The following SORCS2 variants were observed in gnomAD, a reference collection of about 807,000 sequenced individuals.
SORCS2 encodes sortilin related VPS10 domain containing receptor 2.
In SORCS2, 100 loss-of-function variants were observed where a neutral mutation model predicts 141.6. The ratio of observed to expected loss-of-function variants is 0.71; its 90% CI spans 0.60 to 0.83. The LOEUF (loss-of-function observed/expected upper bound fraction) is 0.83. SORCS2 is among the 40% of genes least tolerant of loss of function. The pLI, the probability that SORCS2 is intolerant of heterozygous loss-of-function variation, is 0.00. For synonymous variants in SORCS2, 789 were observed against 676.9 expected, an observed-to-expected ratio of 1.17 and a Z score of -2.57; for missense variants, 1,646 against 1,560.2, an observed-to-expected ratio of 1.05 and a Z score of -0.93.
intron 1 of SORCS2, among the ~76,000 whole-genome samples, chr4:7,236,934 C>G (rs1264794188): frequency 6.6e-6 from 1 of 152,186 alleles, no homozygotes; most frequent in African/African-American, 2.4e-5. Flanking sequence ...CTGTTATTTT[C>G]CAGATGGAGA....
At chr4:7,523,212 C>G (rs1300776668) in intron 2 of SORCS2, among the ~76,000 whole-genome samples, 1 of 152,090 alleles carries the variant, frequency 6.6e-6, no homozygotes, top group Non-Finnish European at 1.5e-5. Flanking sequence ...GAAGGGCAGG[C>G]TCAGGAGCCA....
intron 3 of SORCS2, among the ~76,000 whole-genome samples, chr4:7,602,886 C>G (rs1274767809): frequency 6.6e-6 from 1 of 152,204 alleles, no homozygotes; most frequent in Non-Finnish European, 1.5e-5. Context: ...ACTGAGTGAG[C>G]GAGACTCCGT....
intron 2 of SORCS2, among the ~76,000 whole-genome samples, chr4:7,500,721 C>T (rs903521158): frequency 2.0e-5 from 3 of 152,130 alleles, no homozygotes; most frequent in Non-Finnish European, 2.9e-5. Flanking sequence ...CATCGCACGT[C>T]GTCCAAGAGG....
intron 2 of SORCS2, among the ~76,000 whole-genome samples, chr4:7,501,513 G>A (rs528117573): frequency 3.9e-4 from 26 of 67,494 alleles, no homozygotes; most frequent in East Asian, 0.011. Flanking sequence ...CAGGGCTGGC[G>A]CTGGTAACAG....
intron 8 of SORCS2, among the ~76,000 whole-genome samples, chr4:7,674,929 C>T (rs896096725): frequency 7.2e-5 from 11 of 152,208 alleles, no homozygotes; most frequent in Admixed American, 2.6e-4. Flanking sequence ...GCAGGTGGGG[C>T]CAGCCGGACC....
At chr4:7,492,455 A>G (rs1054389904) in intron 2 of SORCS2, among the ~76,000 whole-genome samples, 3 of 152,242 alleles carry the variant, frequency 2.0e-5, no homozygotes, top group African/African-American at 7.2e-5. Flanking sequence ...TGGATACACC[A>G]GGGTTCTTCA....
chr4:7,647,771 C>T (rs939367678), intron 4 of SORCS2, among the ~76,000 whole-genome samples: 3 of 152,248 alleles, frequency 2.0e-5, no homozygotes, highest in African/African-American at 7.2e-5. Flanking sequence ...GGGCAACATC[C>T]TGGCCAGTCT....
intron 3 of SORCS2, among the ~76,000 whole-genome samples, chr4:7,544,633 T>C (rs1713103036): frequency 6.6e-6 from 1 of 152,250 alleles, no homozygotes. Context: ...GGCTCCACCC[T>C]GAATTCTCTG....
intron 2 of SORCS2, among the ~76,000 whole-genome samples, chr4:7,508,035 G>A (rs1393556019): frequency 3.9e-5 from 6 of 152,020 alleles, no homozygotes; most frequent in African/African-American, 1.5e-4. Flanking sequence ...GACTCACGAC[G>A]GGTACAGGTG....
At chr4:7,348,613 G>A (rs928715087) in intron 1 of SORCS2, among the ~76,000 whole-genome samples, 7 of 152,166 alleles carry the variant, frequency 4.6e-5, no homozygotes, top group Admixed American at 6.5e-5. Context: ...GTGCAGTGGC[G>A]CAATCTCGGC....
intron 2 of SORCS2, among the ~76,000 whole-genome samples, chr4:7,427,851 G>A (rs1210010472): frequency 2.2e-3 from 287 of 130,772 alleles, no homozygotes; most frequent in Non-Finnish European, 3.6e-3. Flanking sequence ...CCGCCCCCCC[G>A]CCCCCCCGCA....
At chr4:7,281,173 T>C (rs1250177445) in intron 1 of SORCS2, among the ~76,000 whole-genome samples, 1 of 151,856 alleles carries the variant, frequency 6.6e-6, no homozygotes, top group African/African-American at 2.4e-5. Context: ...TGCACAAAAG[T>C]TTTTTCTTGT....
intron 3 of SORCS2, among the ~76,000 whole-genome samples, chr4:7,550,728 A>G (rs961821024): frequency 1.3e-5 from 2 of 152,206 alleles, no homozygotes; most frequent in Admixed American, 6.5e-5. Context: ...AGGACAATCC[A>G]CTGTAGGGGA....
intron 2 of SORCS2, chr4:7,433,788 A>C (rs2109235179): frequency 6.2e-7 from 1 of 1,613,574 alleles, no homozygotes. Context: ...TGCCACACAG[A>C]CGGATGAACT....
chr4:7,606,436 C>T (rs373195243), intron 3 of SORCS2, among the ~76,000 whole-genome samples: 3 of 152,254 alleles, frequency 2.0e-5, no homozygotes, highest in South Asian at 2.1e-4. Flanking sequence ...CCTGGCTTCT[C>T]GTTCCGACTC....
chr4:7,381,945 C>A, intron 1 of SORCS2: 1 of 986,274 alleles, frequency 1.0e-6, no homozygotes, highest in Non-Finnish European at 1.2e-6. Context: ...CTCCATTCCA[C>A]TAGCCTCTCT....
intron 3 of SORCS2, among the ~76,000 whole-genome samples, chr4:7,609,130 A>C (rs939323748): frequency 6.6e-6 from 1 of 151,654 alleles, no homozygotes; most frequent in Non-Finnish European, 1.5e-5. Context: ...GTCAGACTCT[A>C]CTCACTGGCT....
intron 2 of SORCS2, among the ~76,000 whole-genome samples, chr4:7,471,688 TTC>T (rs1729987631): frequency 6.6e-6 from 1 of 152,202 alleles, no homozygotes; most frequent in Non-Finnish European, 1.5e-5. Flanking sequence ...TGAAGGCCTG[TTC>T]CGGGAGTAGG....
At chr4:7,342,466 GA>G (rs1720421026) in intron 1 of SORCS2, among the ~76,000 whole-genome samples, 1 of 152,204 alleles carries the variant, frequency 6.6e-6, no homozygotes, top group Non-Finnish European at 1.5e-5. Context: ...ATCCGAGGGG[GA>G]AGCATGCCCT....
Sources: gnomAD v4.1 joint callset for allele counts (sites outside exome capture counted in the v4.1 genomes callset) on GRCh38, gnomAD v4.1.1 for gene constraint, MANE v1.5 for transcripts, NCBI Gene and HGNC (gene_info 2026-07-23, HGNC 2026-07-21) for gene names.